ZBTB20: variants seen among roughly 807,000 people sequenced by gnomAD.
The protein encoded by ZBTB20 is zinc finger and BTB domain-containing protein 20.
Under a neutral mutation model 56.9 loss-of-function variants are expected in ZBTB20, and 9 were observed. The observed-to-expected ratio is 0.16, with a 90% CI of 0.10 to 0.28. The LOEUF is 0.28. Ranked by LOEUF, ZBTB20 falls within the 10% of genes least tolerant of loss-of-function variation. The pLI, the probability that ZBTB20 is intolerant of heterozygous loss-of-function variation, is 1.00. For missense variants in ZBTB20, 655 were observed against 1,003.0 expected (o/e 0.65, Z 4.69); for synonymous variants, 417 against 420.7 (o/e 0.99, Z 0.11).
At chr3:114,957,294 C>T (rs2077279588) in intron 3 of ZBTB20, among the ~76,000 whole-genome samples, 1 of 151,836 alleles carries the variant, frequency 6.6e-6, no homozygotes. Context: ...GGGCTGTAGA[C>T]TTTAAAGGAA....
chr3:114,496,114 G>T (rs566106742), intron 7 of ZBTB20, among the ~76,000 whole-genome samples: 1 of 152,024 alleles, frequency 6.6e-6, no homozygotes, highest in African/African-American at 2.4e-5. Flanking sequence ...AAAATCCCTT[G>T]GAAATTGCTG....
At chr3:115,077,070 GC>G in intron 1 of ZBTB20, among the ~76,000 whole-genome samples, 1 of 152,148 alleles carries the variant, frequency 6.6e-6, no homozygotes, top group East Asian at 1.9e-4. Flanking sequence ...TTCCTAACAG[GC>G]CAGGGACCAT....
intron 3 of ZBTB20, among the ~76,000 whole-genome samples, chr3:114,911,382 G>T (rs1347761854): frequency 6.6e-6 from 1 of 151,956 alleles, no homozygotes; most frequent in Non-Finnish European, 1.5e-5. Context: ...GATCCTAAAA[G>T]GGAGCTCCCA....
At chr3:114,987,671 G>A (rs1354032551) in intron 2 of ZBTB20, among the ~76,000 whole-genome samples, 1 of 152,086 alleles carries the variant, frequency 6.6e-6, no homozygotes, top group Non-Finnish European at 1.5e-5. Flanking sequence ...GATAGGATAG[G>A]AGCTTTCAAA....
intron 10 of ZBTB20, chr3:114,359,568 ATT>A (rs1353499637): frequency 6.6e-6 from 1 of 152,092 alleles, no homozygotes; most frequent in African/African-American, 2.4e-5. Flanking sequence ...TAGGAGTTTC[ATT>A]TTTTCTCTCT....
At chr3:114,430,516 T>C (rs1011726866) in intron 7 of ZBTB20, among the ~76,000 whole-genome samples, 4 of 152,222 alleles carry the variant, frequency 2.6e-5, no homozygotes, top group Admixed American at 2.0e-4. Flanking sequence ...TGCTAAGTTA[T>C]GTGCCCAATT....
At chr3:114,920,054 G>A (rs1018553560) in intron 3 of ZBTB20, among the ~76,000 whole-genome samples, 2 of 151,930 alleles carry the variant, frequency 1.3e-5, no homozygotes, top group African/African-American at 4.8e-5. Context: ...ATAATAAAGT[G>A]GTCAATTCAT....
At chr3:115,116,027 G>T (rs937504677) in intron 1 of ZBTB20, among the ~76,000 whole-genome samples, 1 of 151,986 alleles carries the variant, frequency 6.6e-6, no homozygotes, top group Non-Finnish European at 1.5e-5. Flanking sequence ...TTTCAGGGAT[G>T]TTCTTTTTCA....
intron 10 of ZBTB20, among the ~76,000 whole-genome samples, chr3:114,353,495 A>T (rs1301935401): frequency 1.3e-5 from 2 of 152,248 alleles, no homozygotes; most frequent in African/African-American, 4.8e-5. Context: ...CAGGTCTGTT[A>T]TGTGCCTAAA....
chr3:115,084,110 G>A (rs1415119189), intron 1 of ZBTB20, among the ~76,000 whole-genome samples: 1 of 151,640 alleles, frequency 6.6e-6, no homozygotes, highest in Admixed American at 6.6e-5. Context: ...ATTTAAAGAT[G>A]AGCAAGAGTT....
At chr3:115,107,754 A>G (rs1048936520) in intron 1 of ZBTB20, among the ~76,000 whole-genome samples, 4 of 152,260 alleles carry the variant, frequency 2.6e-5, no homozygotes, top group African/African-American at 9.6e-5. Context: ...ATGCCCATCA[A>G]TAATAGACTG....
intron 6 of ZBTB20, among the ~76,000 whole-genome samples, chr3:114,664,522 G>A (rs1381648979): frequency 6.6e-6 from 1 of 151,968 alleles, no homozygotes; most frequent in Non-Finnish European, 1.5e-5. Context: ...AAGTATTTTT[G>A]TGTACAATTC....
intron 2 of ZBTB20, among the ~76,000 whole-genome samples, chr3:115,024,252 T>C (rs149545238): frequency 6.6e-6 from 1 of 151,142 alleles, no homozygotes; most frequent in African/African-American, 2.4e-5. Context: ...TACTGAATCC[T>C]AACTATTTTC....
intron 5 of ZBTB20, among the ~76,000 whole-genome samples, chr3:114,779,868 T>A (rs1010969199): frequency 6.6e-6 from 1 of 152,190 alleles, no homozygotes; most frequent in Non-Finnish European, 1.5e-5. Context: ...GGTTATCAGT[T>A]ACTTAATATA....
chr3:114,594,266 CTTTT>C (rs1001656979), intron 6 of ZBTB20, among the ~76,000 whole-genome samples: 2 of 132,290 alleles, frequency 1.5e-5, no homozygotes, highest in African/African-American at 2.8e-5. Context: ...TTCTCATATT[CTTTT>C]TTTTTTTTTT....
chr3:114,564,073 T>A (rs940891139), intron 6 of ZBTB20, among the ~76,000 whole-genome samples: 1 of 152,134 alleles, frequency 6.6e-6, no homozygotes, highest in Non-Finnish European at 1.5e-5. Context: ...ATTCATTGGC[T>A]CATGATCTAT....
At chr3:114,738,525 T>C (rs1423041367) in intron 5 of ZBTB20, among the ~76,000 whole-genome samples, 1 of 152,188 alleles carries the variant, frequency 6.6e-6, no homozygotes, top group Non-Finnish European at 1.5e-5. Flanking sequence ...TGCTTACCCT[T>C]ATAGATTCAA....
intron 11 of ZBTB20, among the ~76,000 whole-genome samples, chr3:114,349,044 A>T (rs1052407658): frequency 6.6e-6 from 1 of 151,938 alleles, no homozygotes; most frequent in Non-Finnish European, 1.5e-5. Flanking sequence ...TACAAAAAAT[A>T]AAAAAGTTAA....
intron 1 of ZBTB20, among the ~76,000 whole-genome samples, chr3:115,131,930 A>G (rs1400533126): frequency 6.6e-6 from 1 of 152,136 alleles, no homozygotes; most frequent in Non-Finnish European, 1.5e-5. Context: ...GGCCATGACC[A>G]TGTTGTTTAG....
Sources: allele counts gnomAD v4.1 joint callset (sites outside exome capture counted in the v4.1 genomes callset), GRCh38; gene constraint gnomAD v4.1.1; transcripts MANE v1.5; gene names NCBI Gene and HGNC (gene_info 2026-07-23, HGNC 2026-07-21).